ATXN2L: variants seen among roughly 807,000 people sequenced by gnomAD.
ATXN2L encodes ataxin 2 like.
ATXN2L carries 24 observed loss-of-function variants against 120.7 expected under a neutral mutation model. The ratio of observed to expected loss-of-function variants is 0.20; its 90% CI spans 0.14 to 0.28. The LOEUF is 0.28. Among genes scored for constraint, ATXN2L ranks in the 10% least tolerant of loss-of-function variants. The pLI, the probability that ATXN2L is intolerant of heterozygous loss-of-function variation, is 1.00. For synonymous variants in ATXN2L, 653 were observed against 568.1 expected, an observed-to-expected ratio of 1.15 and a Z score of -2.13; for missense variants, 1,312 against 1,432.3, an observed-to-expected ratio of 0.92 and a Z score of 1.36.
intron 4 of ATXN2L, 143 bp from the exon 5 acceptor site, chr16:28,826,097 C>G (rs923176527): frequency 5.9e-6 from 6 of 1,015,746 alleles, no homozygotes; most frequent in Non-Finnish European, 8.7e-6. Context: ...GCACTTGGTT[C>G]CAAGCATGTT....
chr16:28,825,255 A>G (rs2051425875), intron 1 of ATXN2L, 111 bp from the exon 2 acceptor site: 1 of 1,004,568 alleles, frequency 1.0e-6, no homozygotes, highest in East Asian at 2.4e-5. Flanking sequence ...ACAATTTTGT[A>G]GTCTAAATCA....
At chr16:28,829,227 TC>T (rs2053465059) in intron 6 of ATXN2L, among the ~76,000 whole-genome samples, 173 bp from the exon 7 acceptor site, 1 of 152,152 alleles carries the variant, frequency 6.6e-6, no homozygotes. Context: ...GGCCTTAAAC[TC>T]CTGGCCTCAG....
chr16:28,830,875 T>G, intron 9 of ATXN2L, 85 bp downstream of exon 9: 1 of 1,515,784 alleles, frequency 6.6e-7, no homozygotes, highest in Non-Finnish European at 8.9e-7. Context: ...TTTGGGTGTG[T>G]TGGAATGACG....
At chr16:28,824,601 C>T (rs1280509178) in intron 1 of ATXN2L, 4 of 1,241,198 alleles carry the variant, frequency 3.2e-6, no homozygotes, top group African/African-American at 1.6e-5. Flanking sequence ...AGGGGATACC[C>T]CTCCTCCCAC....
Position 28,829,523 on chromosome 16 carries a change from G to A in ATXN2L, c.833+31G>A, listed in dbSNP as rs754714593. The stretch of plus-strand genomic sequence containing the variant: ...TATCTTGGTGCTCTCCAGGTGATGT[G>A]TTGGTGATATGGGGTCACTAAGTGA... On this transcript the variant is annotated intron_variant, in intron 7 of 21. Coordinates refer to ENST00000336783, the MANE Select transcript of ATXN2L (RefSeq NM_007245.4). The A allele has an allele frequency of 1.8e-5, 26 of 1,473,678 alleles. 1 individual carries two copies. The highest frequency in any genetic ancestry group is 2.5e-5 in the Non-Finnish European group (26 of 1,052,906). The allele number at this position is 1,473,678 out of a possible 1,614,324, so 91.3% of individuals were successfully genotyped here. A position where few individuals can be genotyped will look rare whatever the true frequency, so the allele number is the denominator to read the frequency against.
Position 28,835,980 on chromosome 16 carries a change from G to T in ATXN2L, c.2943G>T (p.Gly981=), listed in dbSNP as rs1486154376. 8 of 1,544,922 alleles carry T rather than the reference G, an allele frequency of 5.2e-6. No individual in the cohort carries two copies. Among genetic ancestry groups the T allele is most frequent in the East Asian group, 2.3e-5 (1 of 44,240 alleles). ...CAGCAGCCCCGCCCCCTCACCCTGG[G>T]GCTCCCCACCCGCCCCAGGTGATGC... ...GITAAPPPHP[G]APHPPQVMLL... is the part of the protein sequence containing the mutation. The change falls in exon 22 of 22, where the codon GGG becomes GGT. Residue 981 remains glycine (G), a synonymous_variant. Coordinates refer to ENST00000336783, the MANE Select transcript of ATXN2L (RefSeq NM_007245.4).
intron 8 of ATXN2L, 35 bp downstream of exon 8, chr16:28,830,093 T>C: frequency 6.3e-7 from 1 of 1,580,394 alleles, no homozygotes; most frequent in African/African-American, 1.3e-5. Flanking sequence ...TACTTGGGGC[T>C]TCTGGGAATA....
rs931362267 is a variant in ATXN2L, at chr16:28,836,671, A to G, written c.*406A>G. 44 of 1,612,736 alleles carry G rather than the reference A, an allele frequency of 2.7e-5. No homozygotes were observed. The African/African-American group carries it at 3.7e-4, about 14-fold the overall frequency. ...GCCCCCACTGGACGGCATTGGAGGA[A>G]GGGACAGCTGCTTGGGTTCTAATGC... On this transcript the variant is annotated 3_prime_UTR_variant, in exon 22 of 22. Coordinates refer to ENST00000336783, the MANE Select transcript of ATXN2L (RefSeq NM_007245.4).
In ATXN2L at chr16:28,826,297, C is replaced by T. The variant is rs1163493993; in HGVS notation, c.523C>T (p.Arg175Cys). Residue 175 changes from arginine to cysteine, a missense_variant, in exon 5 of 22, where the codon CGT becomes TGT. By Grantham distance (180) the Arg-to-Cys change is radical. Coordinates refer to ENST00000336783, the MANE Select transcript of ATXN2L (RefSeq NM_007245.4). Reference sequence around the variant, plus strand: ...AGCATCTGAGCCAGCAGGTGGCCCTCGTCGGGAGGACATTGTGGACACCAT... The same window carrying T: ...AGCATCTGAGCCAGCAGGTGGCCCTTGTCGGGAGGACATTGTGGACACCAT... The part of the protein sequence containing the change: ...RKASEPAGGP[R>C]REDIVDTMVF... 57 of 1,614,056 alleles carry T rather than the reference C, an allele frequency of 3.5e-5. 1 individual carries two copies. The Admixed American group carries it at 9.2e-4, about 26-fold the overall frequency.
intron 8 of ATXN2L, among the ~76,000 whole-genome samples, 179 bp downstream of exon 8, chr16:28,830,237 T>G (rs2053827674): frequency 6.6e-6 from 1 of 152,154 alleles, no homozygotes; most frequent in African/African-American, 2.4e-5. Flanking sequence ...AAGCTGGAGC[T>G]TGTAGATCTA....
In ATXN2L at chr16:28,834,179, A is replaced by G. The variant is rs750497575; in HGVS notation, c.2140A>G (p.Ile714Val). Residue 714 changes from isoleucine to valine, a missense_variant, in exon 16 of 22, where the codon ATA (isoleucine) becomes GTA (valine). By Grantham distance (29) the Ile-to-Val change is conservative. Transcript: ENST00000336783. ...GLYSPQYISY[I>V]PQIHMGPAVQ... ...ATACAGCCCCCAGTACATCTCCTACATACCTCAGATCCACATGGGACCAGC... is the reference window on the plus strand; with the variant it reads ...ATACAGCCCCCAGTACATCTCCTACGTACCTCAGATCCACATGGGACCAGC... The G allele has an allele frequency of 1.1e-5, 18 of 1,614,090 alleles. No homozygotes were observed. Among genetic ancestry groups the G allele is most frequent in the Middle Eastern group, 3.3e-4 (2 of 6,062 alleles).
chr16:28,836,556 C>T lies in ATXN2L; in HGVS notation c.*291C>T. On this transcript the variant is annotated 3_prime_UTR_variant, in exon 22 of 22. Coordinates refer to ENST00000336783, the MANE Select transcript of ATXN2L (RefSeq NM_007245.4). ...TGAGCTGGGCACATGAGTGAGGGCT[C>T]TGGCTTACTGGGAAACAGCGATTGA... The T allele has an allele frequency of 6.4e-7, 1 of 1,572,052 alleles. No individual in the cohort carries two copies. The highest frequency in any genetic ancestry group is 8.6e-7 in the Non-Finnish European group (1 of 1,161,640).
intron 10 of ATXN2L, among the ~76,000 whole-genome samples, chr16:28,831,789 TGGG>T (rs945569411): frequency 1.3e-5 from 2 of 151,950 alleles, no homozygotes; most frequent in African/African-American, 4.8e-5. Flanking sequence ...GAGGCTGAGG[TGGG>T]GGGAATCGCT....
rs368841051 is a variant in ATXN2L, at chr16:28,824,041, C to T, written c.299+483C>T. On this transcript the variant is annotated intron_variant, in intron 1 of 21. Transcript: ENST00000336783. Reference sequence around the variant, plus strand: ...CTTGGGAGCGGGTTGCTGCCTCCCCCTTCCCGGTCTGGCCAGTAGGAGGGG... The same window carrying T: ...CTTGGGAGCGGGTTGCTGCCTCCCCTTTCCCGGTCTGGCCAGTAGGAGGGG... 38 of 959,382 alleles carry T rather than the reference C, an allele frequency of 4.0e-5. 1 individual carries two copies. The East Asian group carries it at 1.5e-3, about 38-fold the overall frequency. 59.4% of individuals were successfully genotyped at this position (959,382 alleles called of 1,614,324 possible).
At position 28,835,542 on chromosome 16, in the gene ATXN2L, C is replaced by T. The variant is rs760388084; in HGVS notation, c.2686-7C>T. On this transcript the variant is annotated splice_region_variant and splice_polypyrimidine_tract_variant and intron_variant, in intron 20 of 21. Coordinates refer to ENST00000336783, the MANE Select transcript of ATXN2L (RefSeq NM_007245.4). ...TGTGTGGCACTCAACCTTCCCCTCC[C>T]CAGCAGCATCAGGCGGGGCAGGCCC... The T allele has an allele frequency of 1.2e-6, 2 of 1,613,290 alleles. No homozygotes were observed. Among genetic ancestry groups the T allele is most frequent in the East Asian group, 2.2e-5 (1 of 44,882 alleles).
chr16:28,824,239 T>C (rs2050839821), intron 1 of ATXN2L: 1 of 1,108,468 alleles, frequency 9.0e-7, no homozygotes, highest in Non-Finnish European at 1.1e-6. Flanking sequence ...GAGGGGCTCG[T>C]CTGGTGGCAG....
chr16:28,830,811 G>C (rs1567416215), intron 9 of ATXN2L, 21 bp downstream of exon 9: 5 of 1,576,120 alleles, frequency 3.2e-6, no homozygotes, highest in Non-Finnish European at 3.4e-6. Context: ...AGGTGACTTT[G>C]AGGAAGAGGG....
chr16:28,836,812 G>A lies in ATXN2L; in HGVS notation c.*547G>A. 1.9e-6 allele frequency: 3 copies of A among 1,612,506 alleles called. No homozygotes were observed. The highest frequency in any genetic ancestry group is 2.5e-6 in the Non-Finnish European group (3 of 1,178,740). Reference sequence around the variant, plus strand: ...TGGCCGCGACCTGAGACCTCCATGAGTGGAGGGAAGAGTGATCTATGTCTC... The same window carrying A: ...TGGCCGCGACCTGAGACCTCCATGAATGGAGGGAAGAGTGATCTATGTCTC... On this transcript the variant is annotated 3_prime_UTR_variant, in exon 22 of 22. Coordinates refer to ENST00000336783, the MANE Select transcript of ATXN2L (RefSeq NM_007245.4).
Position 28,823,296 on chromosome 16 carries a change from C to T in ATXN2L, c.37C>T (p.Pro13Ser). 5 of 1,497,246 alleles carry T rather than the reference C, an allele frequency of 3.3e-6. No individual in the cohort carries two copies. Among genetic ancestry groups the T allele is most frequent in the Non-Finnish European group, 4.4e-6 (5 of 1,124,674 alleles). The allele number at this position is 1,497,246 out of a possible 1,614,324, so 92.7% of individuals were successfully genotyped here. A position where few individuals can be genotyped will look rare whatever the true frequency, so the allele number is the denominator to read the frequency against. ...KPQPLQQPSQ[P>S]QQPPPTQQAV... ...TCAGCCGCTACAACAGCCCTCCCAG[C>T]CCCAGCAGCCGCCCCCCACGCAACA... The change falls in exon 1 of 22, where the codon CCC (proline) becomes TCC (serine). Residue 13 changes from proline (P) to serine (S), a missense_variant. Physicochemically the swap from Pro to Ser is moderately conservative, Grantham distance 74 (BLOSUM62 -1). Transcript: ENST00000336783.
Sources: gnomAD v4.1 joint callset for allele counts (sites outside exome capture counted in the v4.1 genomes callset) on GRCh38, gnomAD v4.1.1 for gene constraint, MANE v1.5 for transcripts, NCBI Gene and HGNC (gene_info 2026-07-23, HGNC 2026-07-21) for gene names.